The following ARHGAP12 variants were observed in gnomAD, a reference collection of about 807,000 sequenced individuals.
The protein encoded by ARHGAP12 is rho GTPase-activating protein 12.
A neutral mutation model predicts 108.6 loss-of-function variants in ARHGAP12; 64 were observed. That is an observed-to-expected ratio of 0.59 (90% CI 0.48 to 0.73). The LOEUF (loss-of-function observed/expected upper bound fraction) is 0.73. Among genes scored for constraint, ARHGAP12 ranks in the 30% least tolerant of loss-of-function variants. The pLI is 0.00. For synonymous variants in ARHGAP12, 312 were observed against 337.2 expected (o/e 0.93, Z 0.82); for missense variants, 940 against 1,005.9 (o/e 0.93, Z 0.89).
intron 13 of ARHGAP12, among the ~76,000 whole-genome samples, chr10:31,815,481 T>C (rs1024861835): frequency 3.3e-5 from 5 of 152,228 alleles, no homozygotes; most frequent in African/African-American, 1.2e-4. Flanking sequence ...GAATATGACT[T>C]TTTAAAGACT....
chr10:31,902,539 G>A (rs1380899875), intron 3 of ARHGAP12, among the ~76,000 whole-genome samples: 1 of 151,970 alleles, frequency 6.6e-6, no homozygotes, highest in East Asian at 1.9e-4. Flanking sequence ...AGCTGGGCAT[G>A]GTGGCACATG....
chr10:31,849,233 A>C (rs1351855310), intron 6 of ARHGAP12, among the ~76,000 whole-genome samples: 1 of 151,520 alleles, frequency 6.6e-6, no homozygotes, highest in East Asian at 1.9e-4. Context: ...ACTCTCCTTT[A>C]TTTCTTTCTC....
rs1461500310 is a variant in ARHGAP12, at chr10:31,854,064, A to G, written c.1089+2T>C. ...ACACTAGATGAGAAAAAAAGAATGTACCTTTTCATTAGTATAGTCACTGGT... is the reference window on the plus strand; with the variant it reads ...ACACTAGATGAGAAAAAAAGAATGTGCCTTTTCATTAGTATAGTCACTGGT... On this transcript the variant is annotated splice_donor_variant, in intron 5 of 19. Coordinates refer to ENST00000344936, the MANE Select transcript of ARHGAP12 (RefSeq NM_018287.7). LOFTEE classifies it high-confidence loss of function. 14 of 1,600,150 alleles carry G rather than the reference A, an allele frequency of 8.7e-6. No individual in the cohort carries two copies. The Middle Eastern group carries it at 5.0e-4, about 57-fold the overall frequency.
intron 3 of ARHGAP12, among the ~76,000 whole-genome samples, chr10:31,862,696 G>GCA (rs969804958): frequency 5.2e-4 from 64 of 122,242 alleles, no homozygotes; most frequent in East Asian, 4.6e-3. Flanking sequence ...AGTGGCGCAT[G>GCA]CACACACAGA....
intron 6 of ARHGAP12, among the ~76,000 whole-genome samples, chr10:31,850,660 G>C (rs1265457293): frequency 6.6e-6 from 1 of 151,978 alleles, no homozygotes; most frequent in Non-Finnish European, 1.5e-5. Context: ...CTAAGCTTGA[G>C]GTATCATTTT....
intron 12 of ARHGAP12, among the ~76,000 whole-genome samples, chr10:31,818,409 C>A (rs977112531): frequency 6.6e-6 from 1 of 152,060 alleles, no homozygotes; most frequent in East Asian, 1.9e-4. Flanking sequence ...CCCTTTTGGG[C>A]GGAAGTATTA....
chr10:31,857,895 T>C (rs1836944890), intron 4 of ARHGAP12, among the ~76,000 whole-genome samples: 1 of 152,178 alleles, frequency 6.6e-6, no homozygotes, highest in Non-Finnish European at 1.5e-5. Flanking sequence ...CAGATCCTCA[T>C]GAAGGAATTT....
chr10:31,847,746 C>G (rs1302295724), intron 6 of ARHGAP12, among the ~76,000 whole-genome samples: 3 of 151,946 alleles, frequency 2.0e-5, no homozygotes, highest in Non-Finnish European at 4.4e-5. Context: ...GGCTCCACCC[C>G]ACAGTCTCCA....
chr10:31,828,219 C>CTTT lies in ARHGAP12; in HGVS notation c.1449-1837_1449-1835dup, dbSNP rs4016813. Among the ~76,000 whole-genome samples, 138 of 148,224 alleles carry CTTT rather than the reference C, an allele frequency of 9.3e-4. 1 individual carries two copies. Among genetic ancestry groups the CTTT allele is most frequent in the South Asian group, 1.7e-3 (8 of 4,730 alleles). On this transcript the variant is annotated intron_variant, in intron 10 of 19. Transcript: ENST00000344936. ...TCTATACCTTTGACACACCTTATTG[C>CTTT]TTTTTTTTTTCAACTTTTCTGAATC...
At chr10:31,838,419 C>G (rs1836110260) in intron 9 of ARHGAP12, among the ~76,000 whole-genome samples, 1 of 152,156 alleles carries the variant, frequency 6.6e-6, no homozygotes. Flanking sequence ...TGGTAGCTCA[C>G]ATCTGTAATC....
Position 31,912,695 on chromosome 10 carries a change from G to A in ARHGAP12, c.-110-2132C>T, listed in dbSNP as rs1299777123. ...GGCAGGTAAAATGAGCAAGAGTGGAGACAATGGGATAGAAAGTAAGAGCTG... is the reference window on the plus strand; with the variant it reads ...GGCAGGTAAAATGAGCAAGAGTGGAAACAATGGGATAGAAAGTAAGAGCTG... On this transcript the variant is annotated intron_variant, in intron 1 of 19. Coordinates refer to ENST00000344936, the MANE Select transcript of ARHGAP12 (RefSeq NM_018287.7). 3.3e-5 allele frequency among the ~76,000 whole-genome samples: 5 copies of A among 152,148 alleles called. No homozygotes were observed. The South Asian group carries it at 1.0e-3, about 32-fold the overall frequency.
intron 16 of ARHGAP12, 24 bp from the exon 17 acceptor site, chr10:31,809,331 T>C (rs771962757): frequency 5.0e-6 from 8 of 1,604,460 alleles, no homozygotes; most frequent in Non-Finnish European, 6.0e-6. Flanking sequence ...ATAATTTGTG[T>C]GTGTGTGTGT....
At chr10:31,828,186 CT>C (rs1490251159) in intron 10 of ARHGAP12, among the ~76,000 whole-genome samples, 3 of 148,774 alleles carry the variant, frequency 2.0e-5, no homozygotes, top group African/African-American at 7.5e-5. Flanking sequence ...CCTAGTCTTG[CT>C]TTACTTTCTA....
chr10:31,895,020 T>C (rs1202910358), intron 3 of ARHGAP12, among the ~76,000 whole-genome samples: 2 of 152,210 alleles, frequency 1.3e-5, no homozygotes, highest in Non-Finnish European at 2.9e-5. Flanking sequence ...ATTTAATAAA[T>C]GGTGCTGGGA....
chr10:31,901,517 G>A (rs1013115792), intron 3 of ARHGAP12, among the ~76,000 whole-genome samples: 6 of 95,380 alleles, frequency 6.3e-5, no homozygotes, highest in African/African-American at 3.0e-4. Flanking sequence ...TTGGGTGACA[G>A]AGCAAAAACC....
intron 3 of ARHGAP12, among the ~76,000 whole-genome samples, chr10:31,877,461 A>G (rs932643558): frequency 4.6e-5 from 7 of 152,328 alleles, no homozygotes; most frequent in African/African-American, 1.7e-4. Flanking sequence ...CTGAAGTTGG[A>G]AAGTCAAAAA....
intron 6 of ARHGAP12, among the ~76,000 whole-genome samples, chr10:31,846,837 A>T (rs759978771): frequency 9.3e-5 from 14 of 151,328 alleles, no homozygotes; most frequent in Non-Finnish European, 1.9e-4. Context: ...CTCCTTCTGG[A>T]ACTCCAATGA....
At chr10:31,835,887 G>A (rs1445487514) in intron 9 of ARHGAP12, among the ~76,000 whole-genome samples, 1 of 152,088 alleles carries the variant, frequency 6.6e-6, no homozygotes, top group Non-Finnish European at 1.5e-5. Context: ...ATGGGTATGG[G>A]TTTTATTTTG....
chr10:31,814,079 C>T (rs1407126479), intron 14 of ARHGAP12, among the ~76,000 whole-genome samples, 180 bp downstream of exon 14: 5 of 152,038 alleles, frequency 3.3e-5, no homozygotes, highest in East Asian at 1.9e-4. Context: ...GGCTGAAAAA[C>T]GACAATAATG....
Sources: gnomAD v4.1 joint callset for allele counts (sites outside exome capture counted in the v4.1 genomes callset) on GRCh38, gnomAD v4.1.1 for gene constraint, MANE v1.5 for transcripts, NCBI Gene and HGNC (gene_info 2026-07-23, HGNC 2026-07-21) for gene names.